The following GRIP1 variants were observed in gnomAD, a reference collection of about 807,000 sequenced individuals.
GRIP1 encodes glutamate receptor interacting protein 1, also known as glutamate receptor-interacting protein 1.
Under a neutral mutation model 129.9 loss-of-function variants are expected in GRIP1, and 45 were observed. That is an observed-to-expected ratio of 0.35 (90% CI 0.27 to 0.44). The LOEUF is 0.44. Among genes scored for constraint, GRIP1 ranks in the 20% least tolerant of loss-of-function variants. The pLI, the probability that GRIP1 is intolerant of heterozygous loss-of-function variation, is 1.00. For synonymous variants in GRIP1, 530 were observed against 520.8 expected (o/e 1.02, Z -0.24); for missense variants, 1,196 against 1,396.8 (o/e 0.86, Z 2.29).
At chr12:66,893,371 C>T (rs553533495) in intron 1 of GRIP1, among the ~76,000 whole-genome samples, 3 of 152,276 alleles carry the variant, frequency 2.0e-5, no homozygotes, top group Admixed American at 1.3e-4. Context: ...TCCTAAGTAG[C>T]TGGAACTACA....
At chr12:66,932,137 C>T (rs1450521638) in intron 1 of GRIP1, among the ~76,000 whole-genome samples, 1 of 102,352 alleles carries the variant, frequency 9.8e-6, no homozygotes, top group African/African-American at 2.7e-5. Flanking sequence ...AATATAAAGG[C>T]TCCTGGCCAC....
At chr12:67,068,943 C>T (rs1051298226) in intron 1 of GRIP1, 2 of 362,628 alleles carry the variant, frequency 5.5e-6, no homozygotes, top group African/African-American at 2.2e-5. Flanking sequence ...GGCGCCCCTC[C>T]CCCGTCGGCG....
chr12:66,699,512 T>C (rs2035278156), intron 1 of GRIP1, among the ~76,000 whole-genome samples: 1 of 152,114 alleles, frequency 6.6e-6, no homozygotes, highest in Non-Finnish European at 1.5e-5. Context: ...CTTTTACTCT[T>C]CCATTTGCTC....
At chr12:66,527,939 A>C (rs541662978) in intron 5 of GRIP1, among the ~76,000 whole-genome samples, 2 of 152,132 alleles carry the variant, frequency 1.3e-5, no homozygotes, top group African/African-American at 4.8e-5. Flanking sequence ...CCATGTAACA[A>C]ACCTGAACAT....
At chr12:66,918,056 C>T (rs2041156020) in intron 1 of GRIP1, among the ~76,000 whole-genome samples, 3 of 151,886 alleles carry the variant, frequency 2.0e-5, no homozygotes, top group Non-Finnish European at 4.4e-5. Context: ...TGAAGCCCAC[C>T]ACATTAGTTA....
intron 1 of GRIP1, among the ~76,000 whole-genome samples, chr12:67,039,974 A>G (rs1233157485): frequency 2.6e-5 from 4 of 152,138 alleles, no homozygotes; most frequent in Non-Finnish European, 5.9e-5. Context: ...AGTCTAGTCA[A>G]CCAGGTATTA....
At chr12:66,682,188 G>A (rs921634995), upstream of GRIP1, among the ~76,000 whole-genome samples, 1 of 152,092 alleles carries the variant, frequency 6.6e-6, no homozygotes, top group African/African-American at 2.4e-5. Flanking sequence ...GTACCTTTAA[G>A]TGCAGTTATC....
intron 1 of GRIP1, among the ~76,000 whole-genome samples, chr12:66,849,673 T>C (rs1661345333): frequency 6.6e-6 from 1 of 152,082 alleles, no homozygotes; most frequent in African/African-American, 2.4e-5. Flanking sequence ...CCCACCTCAA[T>C]AGCAATGTGA....
intron 2 of GRIP1, among the ~76,000 whole-genome samples, chr12:66,559,370 A>C (rs1272988074): frequency 6.6e-6 from 1 of 152,168 alleles, no homozygotes. Context: ...AAGGCATCCA[A>C]ATCGGAAAGG....
At position 66,715,104 on chromosome 12, in the gene GRIP1, C is replaced by T. The variant is rs139124153; in HGVS notation, c.-419-84768G>A. Among the ~76,000 whole-genome samples the T allele has an allele frequency of 2.7e-4, 41 of 152,158 alleles. No individual in the cohort carries two copies. In the East Asian group the frequency reaches 6.0e-3, roughly 22 times the overall value. On this transcript the variant is annotated intron_variant, in intron 1 of 4. Transcript: ENST00000538373. Reference sequence around the variant, plus strand: ...TCTGCTTTGTCTCTTCCTTCTTCATCGACGGCCAGGGATCCTTCTAACTTC... The same window carrying T: ...TCTGCTTTGTCTCTTCCTTCTTCATTGACGGCCAGGGATCCTTCTAACTTC...
At chr12:66,893,935 G>A (rs920807446) in intron 1 of GRIP1, among the ~76,000 whole-genome samples, 6 of 151,982 alleles carry the variant, frequency 3.9e-5, no homozygotes, top group African/African-American at 1.2e-4. Flanking sequence ...CCCTGATCCC[G>A]CTCTAGCTTC....
At chr12:66,447,095 C>T (rs1294084785) in intron 11 of GRIP1, among the ~76,000 whole-genome samples, 1 of 152,210 alleles carries the variant, frequency 6.6e-6, no homozygotes, top group Non-Finnish European at 1.5e-5. Context: ...GAATGGGAGA[C>T]CCCTGAGGTT....
In GRIP1 at chr12:66,660,128, T is replaced by G. The variant is rs541013260; in HGVS notation, c.55+18722A>C. ...GACGGCCTCAGCCCAACTATTCTCT[T>G]GTGAACTGTTAGCTGTCTTTGAAGT... On this transcript the variant is annotated intron_variant, in intron 1 of 24. Coordinates refer to ENST00000359742, the MANE Select transcript of GRIP1 (RefSeq NM_001366722.1). 3.4e-4 allele frequency among the ~76,000 whole-genome samples: 52 copies of G among 152,324 alleles called. No homozygotes were observed. In the East Asian group the frequency reaches 9.8e-3, roughly 29 times the overall value.
chr12:66,882,944 G>C (rs1375993894), intron 1 of GRIP1, among the ~76,000 whole-genome samples: 2 of 152,094 alleles, frequency 1.3e-5, no homozygotes, highest in Admixed American at 1.3e-4. Context: ...AGTGGATTCT[G>C]GCTCCAGAAT....
chr12:66,582,205 A>G (rs1168234627), intron 2 of GRIP1, among the ~76,000 whole-genome samples: 5 of 150,226 alleles, frequency 3.3e-5, no homozygotes, highest in African/African-American at 9.8e-5. Context: ...AAATTCAACA[A>G]CCCTTCATGC....
chr12:66,838,187 T>TAAAA (rs56259335), intron 1 of GRIP1, among the ~76,000 whole-genome samples: 1 of 137,522 alleles, frequency 7.3e-6, no homozygotes, highest in Non-Finnish European at 1.5e-5. Context: ...AGACTCCACC[T>TAAAA]AAAAAAAAAA....
chr12:66,565,002 C>A (rs2062696160), intron 2 of GRIP1, among the ~76,000 whole-genome samples: 2 of 152,152 alleles, frequency 1.3e-5, no homozygotes, highest in African/African-American at 2.4e-5. Context: ...TGTTTAGATT[C>A]TTTGTAGATT....
At chr12:66,988,756 GATAT>G (rs2135630370) in intron 1 of GRIP1, among the ~76,000 whole-genome samples, 1 of 152,218 alleles carries the variant, frequency 6.6e-6, no homozygotes, top group Non-Finnish European at 1.5e-5. Flanking sequence ...TTCAAATTCT[GATAT>G]ATAATATGGT....
intron 1 of GRIP1, among the ~76,000 whole-genome samples, chr12:66,787,881 G>A (rs1447258708): frequency 6.6e-6 from 1 of 152,130 alleles, no homozygotes; most frequent in Non-Finnish European, 1.5e-5. Flanking sequence ...TGACAGAAGG[G>A]TGCCGTGGGC....
Sources: gnomAD v4.1 joint callset for allele counts (sites outside exome capture counted in the v4.1 genomes callset) on GRCh38, gnomAD v4.1.1 for gene constraint, MANE v1.5 for transcripts, NCBI Gene and HGNC (gene_info 2026-07-23, HGNC 2026-07-21) for gene names.